Variants in SLC23A2 observed in about 807,000 individuals in gnomAD.
SLC23A2 encodes the protein solute carrier family 23 member 2.
SLC23A2 carries 36 observed loss-of-function variants against 73.3 expected under a neutral mutation model. That is an observed-to-expected ratio of 0.49 (90% CI 0.38 to 0.65). SLC23A2 has a LOEUF of 0.65. Ranked by LOEUF, SLC23A2 falls within the 30% of genes least tolerant of loss-of-function variation. SLC23A2 has a pLI of 0.00. For missense variants in SLC23A2, 507 were observed against 841.6 expected (o/e 0.60, Z 4.92); for synonymous variants, 343 against 327.3 (o/e 1.05, Z -0.52).
At chr20:4,882,418 G>A (rs1930925379) in intron 9 of SLC23A2, among the ~76,000 whole-genome samples, 1 of 151,922 alleles carries the variant, frequency 6.6e-6, no homozygotes, top group African/African-American at 2.4e-5. Context: ...GGGTATTCAT[G>A]CTCATGTGTG....
upstream of SLC23A2, among the ~76,000 whole-genome samples, chr20:5,005,505 T>C (rs2088180868): frequency 1.3e-5 from 2 of 152,174 alleles, no homozygotes; most frequent in Admixed American, 6.6e-5. Flanking sequence ...CCAGGCTGTG[T>C]TATTTTTGAG....
intron 2 of SLC23A2, among the ~76,000 whole-genome samples, chr20:4,968,240 C>T (rs1286417920): frequency 6.6e-6 from 1 of 152,108 alleles, no homozygotes; most frequent in African/African-American, 2.4e-5. Context: ...TTAGGGTTAG[C>T]CTTGAAAGAT....
rs576804862 is a variant in SLC23A2 at position 4,986,035 on chromosome 20, G to A, written c.-281-15116C>T. Among the ~76,000 whole-genome samples, 3 of 152,232 alleles carry A rather than the reference G, an allele frequency of 2.0e-5. No individual in the cohort carries two copies. In the South Asian group the frequency reaches 6.2e-4, roughly 32 times the overall value. On this transcript the variant is annotated intron_variant, in intron 1 of 16. Coordinates refer to ENST00000338244, the MANE Select transcript of SLC23A2 (RefSeq NM_005116.6). ...CGCCATGCCCACAGAATCTCGTCTG[G>A]TTTCTTTTCCATAGGATAGTATGAA...
At chr20:4,928,993 T>A (rs1932755183) in intron 3 of SLC23A2, among the ~76,000 whole-genome samples, 1 of 152,228 alleles carries the variant, frequency 6.6e-6, no homozygotes. Context: ...GGCTCACGCC[T>A]GTAATCCCAA....
At chr20:4,900,933 GGA>G (rs1192901457) in intron 5 of SLC23A2, among the ~76,000 whole-genome samples, 2 of 152,208 alleles carry the variant, frequency 1.3e-5, no homozygotes, top group African/African-American at 2.4e-5. Context: ...CGACTGTAAA[GGA>G]GTTTCCTGGG....
At chr20:4,882,021 T>C (rs1930903041) in intron 9 of SLC23A2, among the ~76,000 whole-genome samples, 1 of 152,186 alleles carries the variant, frequency 6.6e-6, no homozygotes, top group Admixed American at 6.5e-5. Flanking sequence ...TCACATGCCA[T>C]CTTCCCATCT....
At chr20:4,894,158 T>C (rs1931435265) in intron 6 of SLC23A2, among the ~76,000 whole-genome samples, 1 of 152,080 alleles carries the variant, frequency 6.6e-6, no homozygotes, top group Non-Finnish European at 1.5e-5. Context: ...GAAACCTCGC[T>C]CAGGGGAAAA....
At chr20:4,925,510 C>T (rs76415638) in intron 3 of SLC23A2, among the ~76,000 whole-genome samples, 5,362 of 152,234 alleles carry the variant, frequency 0.035, 158 homozygotes, top group South Asian at 0.11. Flanking sequence ...GCCCAATAAC[C>T]ATCTGCTGAA....
chr20:4,890,549 G>A (rs1365593850), intron 6 of SLC23A2, among the ~76,000 whole-genome samples: 2 of 152,118 alleles, frequency 1.3e-5, no homozygotes, highest in African/African-American at 4.8e-5. Context: ...CTACTTGGGA[G>A]GCTGAGGCAG....
chr20:4,857,052 A>G lies in SLC23A2; in HGVS notation c.1873T>C (p.Phe625Leu). The G allele has an allele frequency of 6.2e-7, 1 of 1,614,036 alleles. No individual in the cohort carries two copies. The highest frequency in any genetic ancestry group is 2.2e-5 in the East Asian group (1 of 44,862). ...CFSYLPISPTFVGYTWKGLRK... is the reference protein window; with the variant it reads ...CFSYLPISPTLVGYTWKGLRK... ...AGGCCTTTCCATGTGTAGCCCACAA[A>G]GGTTGGGCTGATGGGTAAGTAGCTG... Residue 625 changes from phenylalanine to leucine, a missense_variant, in exon 17 of 17, where the codon TTT becomes CTT. Physicochemically the swap from Phe to Leu is conservative, Grantham distance 22. Transcript: ENST00000338244. This position sits in a 1 kb window ranked among gnomAD's most constrained non-coding sequence, Gnocchi z 4.0.
chr20:4,919,445 C>G (rs1395342387), intron 3 of SLC23A2, among the ~76,000 whole-genome samples: 2 of 152,204 alleles, frequency 1.3e-5, no homozygotes, highest in Non-Finnish European at 2.9e-5. Flanking sequence ...ACCTGTCCCC[C>G]AGTAGGGCGA....
At chr20:4,955,879 T>C (rs1236583174) in intron 2 of SLC23A2, among the ~76,000 whole-genome samples, 1 of 152,048 alleles carries the variant, frequency 6.6e-6, no homozygotes, top group Non-Finnish European at 1.5e-5. Context: ...AAGCAGCTTA[T>C]GGTGGTAATC....
intron 2 of SLC23A2, among the ~76,000 whole-genome samples, chr20:4,937,288 A>G (rs1192637122): frequency 6.6e-6 from 1 of 152,106 alleles, no homozygotes; most frequent in Non-Finnish European, 1.5e-5. Flanking sequence ...TCTCCCCGGG[A>G]ATTTGACACT....
At position 4,856,305 on chromosome 20, in the gene SLC23A2, A is replaced by C. The variant is rs1929710701; in HGVS notation, c.*667T>G. 1 of 152,298 alleles carries C rather than the reference A, an allele frequency of 6.6e-6. No individual in the cohort carries two copies. The highest frequency in any genetic ancestry group is 6.5e-5 in the Admixed American group (1 of 15,282). 9.4% of individuals were successfully genotyped at this position (152,298 alleles called of 1,614,324 possible). On this transcript the variant is annotated 3_prime_UTR_variant, in exon 17 of 17. Transcript: ENST00000338244. This position sits in a 1 kb window ranked among gnomAD's most constrained non-coding sequence, Gnocchi z 4.6. ...GTGGCCAAGAGAAGGTGCAGCCGAG[A>C]ATCAGATATTGGCTTCAGGGTCCTT...
At position 4,859,990 on chromosome 20, in the gene SLC23A2, G is replaced by A. The variant is rs181479612; in HGVS notation, c.1625-606C>T. Among the ~76,000 whole-genome samples, 17 of 152,324 alleles carry A rather than the reference G, an allele frequency of 1.1e-4. No homozygotes were observed. In the East Asian group the frequency reaches 3.3e-3, roughly 29 times the overall value. On this transcript the variant is annotated intron_variant, in intron 15 of 16. Transcript: ENST00000338244. Reference sequence around the variant, plus strand: ...ACAGAAAATCATAGGCACTGGTGAGGATGTGGAGAAACAGAAACCCTCGTA... The same window carrying A: ...ACAGAAAATCATAGGCACTGGTGAGAATGTGGAGAAACAGAAACCCTCGTA...
intron 13 of SLC23A2, 89 bp downstream of exon 13, chr20:4,867,681 G>A (rs1189756914): frequency 7.7e-5 from 31 of 400,294 alleles, no homozygotes; most frequent in Admixed American, 7.4e-4. Context: ...CCAGAGGCCC[G>A]CCCATTTGGA....
intron 2 of SLC23A2, among the ~76,000 whole-genome samples, chr20:4,956,915 C>T (rs1191654178): frequency 6.7e-6 from 1 of 149,428 alleles, no homozygotes; most frequent in East Asian, 2.0e-4. Context: ...TCAAGCGATT[C>T]TCCTGCCTCC....
intron 2 of SLC23A2, among the ~76,000 whole-genome samples, chr20:4,955,386 CACACACACACA>C (rs1476120295): frequency 2.0e-5 from 3 of 147,258 alleles, no homozygotes; most frequent in African/African-American, 7.8e-5. Context: ...CACACACACA[CACACACACACA>C]CCCTAGAATA....
intron 15 of SLC23A2, 117 bp downstream of exon 15, chr20:4,861,831 G>T: frequency 1.0e-6 from 1 of 968,474 alleles, no homozygotes; most frequent in Non-Finnish European, 1.6e-6. Flanking sequence ...ATCCACAGAC[G>T]CATCTGCACC....
Sources: gnomAD v4.1 joint callset for allele counts (sites outside exome capture counted in the v4.1 genomes callset) on GRCh38, gnomAD v4.1.1 for gene constraint, Gnocchi (gnomAD v3.1) non-coding constraint, MANE v1.5 for transcripts, NCBI Gene and HGNC (gene_info 2026-07-23, HGNC 2026-07-21) for gene names.